The following LSM14B variants were observed in gnomAD, a reference collection of about 807,000 sequenced individuals.
LSM14B encodes protein LSM14 homolog B.
In LSM14B, 8 loss-of-function variants were observed where a neutral mutation model predicts 42.1. That is an observed-to-expected ratio of 0.19 (90% confidence interval 0.11 to 0.34). The LOEUF is 0.34. Among genes scored for constraint, LSM14B ranks in the 10% least tolerant of loss-of-function variants. The pLI, the probability that LSM14B is intolerant of heterozygous loss-of-function variation, is 1.00. For synonymous variants in LSM14B, 219 were observed against 209.7 expected, an observed-to-expected ratio of 1.04 and a Z score of -0.38; for missense variants, 396 against 513.1, an observed-to-expected ratio of 0.77 and a Z score of 2.21.
chr20:62,124,583 A>G, intron 1 of LSM14B, 34 bp from the exon 2 acceptor site: 1 of 1,603,052 alleles, frequency 6.2e-7, no homozygotes, highest in Non-Finnish European at 8.5e-7. Context: ...CTGGCTGAGG[A>G]CAACAATAAC....
At position 62,133,312 on chromosome 20, in the gene LSM14B, G is replaced by A. The variant is rs1314159584; in HGVS notation, c.1009G>A (p.Glu337Lys). Residue 337 changes from glutamate to lysine, a missense_variant, in exon 8 of 9, where the codon GAA (glutamate) becomes AAA (lysine). Glu to Lys is a moderately conservative substitution (Grantham distance 56, BLOSUM62 1). Around this residue, in one of 3 missense-constraint regions of LSM14B, gnomAD observed 118 missense variants for 156.4 expected, o/e 0.75. Coordinates refer to ENST00000279068, the MANE Select transcript of LSM14B (RefSeq NM_144703.3). ...TAGCTCCAGGCGGACGACGTGGGCC[G>A]AAGAGAGGAAGCTCAACACAGAGAC... ...KTSSRRTTWA[E>K]ERKLNTETFG... The A allele has an allele frequency of 6.8e-6, 11 of 1,613,368 alleles. No homozygotes were observed. The highest frequency in any genetic ancestry group is 1.1e-5 in the South Asian group (1 of 91,070).
intron 3 of LSM14B, chr20:62,129,035 G>C (rs2056687775): frequency 1.5e-6 from 2 of 1,295,496 alleles, no homozygotes; most frequent in South Asian, 2.5e-5. Context: ...GGAGAGAGGT[G>C]GGTGGTGCTT....
intron 1 of LSM14B, chr20:62,123,054 T>C (rs2056453899): frequency 5.3e-6 from 1 of 188,210 alleles, no homozygotes; most frequent in African/African-American, 2.4e-5. Flanking sequence ...GGCGGGATTG[T>C]GCGCGGGCGC....
At position 62,122,801 on chromosome 20, in the gene LSM14B, C is replaced by G; in HGVS notation, c.127+8C>G. 1 of 1,491,298 alleles carries G rather than the reference C, an allele frequency of 6.7e-7. No individual in the cohort carries two copies. The highest frequency in any genetic ancestry group is 9.0e-7 in the Non-Finnish European group (1 of 1,112,350). 92.4% of individuals were successfully genotyped at this position (1,491,298 alleles called of 1,614,324 possible). ...CCGTGGCGCTCGCCAAAGGTAGCGGCCGCCGCCCGCCCGAGCCCGCTGACC... is the reference window on the plus strand; with the variant it reads ...CCGTGGCGCTCGCCAAAGGTAGCGGGCGCCGCCCGCCCGAGCCCGCTGACC... On this transcript the variant is annotated splice_region_variant and intron_variant, in intron 1 of 8. Transcript: ENST00000279068. This position sits in a 1 kb window ranked among gnomAD's most constrained non-coding sequence, Gnocchi z 4.6.
intron 7 of LSM14B, among the ~76,000 whole-genome samples, chr20:62,132,978 G>C (rs984551566): frequency 6.6e-6 from 1 of 152,120 alleles, no homozygotes; most frequent in African/African-American, 2.4e-5. Flanking sequence ...GCCTCCCCAG[G>C]GCTCCTCTCT....
chr20:62,134,014 T>G (rs370533941), intron 8 of LSM14B, 149 bp from the exon 9 acceptor site: 56 of 349,392 alleles, frequency 1.6e-4, no homozygotes, highest in African/African-American at 1.2e-3. Flanking sequence ...ATTGTACAAG[T>G]AGGATTCTCA....
At position 62,130,284 on chromosome 20, in the gene LSM14B, A is replaced by AG. The variant is rs2056729808; in HGVS notation, c.663dup (p.Arg222GlufsTer20). 1 of 1,597,538 alleles carries AG rather than the reference A, an allele frequency of 6.3e-7. No individual in the cohort carries two copies. ...GAATGACGAGAACAGAAGACCTCAGAGGAGGCGATCAGGTAACACCTGTTG... is the reference window on the plus strand; with the variant it reads ...GAATGACGAGAACAGAAGACCTCAGAGGGAGGCGATCAGGTAACACCTGTTG... On this transcript the variant is annotated frameshift_variant, in exon 5 of 9. Coordinates refer to ENST00000279068, the MANE Select transcript of LSM14B (RefSeq NM_144703.3). LOFTEE classifies it high-confidence loss of function. This position sits in a 1 kb window ranked among gnomAD's most constrained non-coding sequence, Gnocchi z 4.1.
In LSM14B at chr20:62,130,133, A is replaced by G. The variant is rs181790714; in HGVS notation, c.596-86A>G. ...CGGTGCCGCCCTGGCCGCGTGCCCCATGGTGGTGGGGCCTGCTTCCACAGC... is the reference window on the plus strand; with the variant it reads ...CGGTGCCGCCCTGGCCGCGTGCCCCGTGGTGGTGGGGCCTGCTTCCACAGC... On this transcript the variant is annotated intron_variant, in intron 4 of 8. Transcript: ENST00000279068. This position sits in a 1 kb window ranked among gnomAD's most constrained non-coding sequence, Gnocchi z 4.1. The G allele has an allele frequency of 5.9e-6, 9 of 1,522,816 alleles. No individual in the cohort carries two copies. The South Asian group carries it at 9.7e-5, about 16-fold the overall frequency. The allele number at this position is 1,522,816 out of a possible 1,614,324, so 94.3% of individuals were successfully genotyped here.
chr20:62,127,473 G>C, intron 3 of LSM14B: 2 of 737,712 alleles, frequency 2.7e-6, no homozygotes, highest in Non-Finnish European at 4.6e-6. Context: ...TTGTATGACA[G>C]AATCCTACAA....
At chr20:62,123,057 G>C (rs1158926935) in intron 1 of LSM14B, 1 of 187,344 alleles carries the variant, frequency 5.3e-6, no homozygotes, top group Non-Finnish European at 1.1e-5. Flanking sequence ...GGGATTGTGC[G>C]CGGGCGCCCG....
At position 62,122,726 on chromosome 20, in the gene LSM14B, G is replaced by A. The variant is rs757908261; in HGVS notation, c.60G>A (p.Ala20=). ...GCAAGATCAGCCTCATCTCCAAGGC[G>A]CAGATCCGCTACGAGGGCATTCTCT... ...LGSKISLISK[A]QIRYEGILYT... Residue 20 remains alanine (A), a synonymous_variant, in exon 1 of 9, where the codon GCG becomes GCA. Transcript: ENST00000279068. This position sits in a 1 kb window ranked among gnomAD's most constrained non-coding sequence, Gnocchi z 4.6. 6.6e-7 allele frequency: 1 copy of A among 1,524,232 alleles called. No individual in the cohort carries two copies. The highest frequency in any genetic ancestry group is 8.8e-7 in the Non-Finnish European group (1 of 1,131,524). 94.4% of individuals were successfully genotyped at this position (1,524,232 alleles called of 1,614,324 possible). A position where few individuals can be genotyped will look rare whatever the true frequency, so the allele number is the denominator to read the frequency against.
intron 2 of LSM14B, 46 bp downstream of exon 2, chr20:62,124,826 T>TTTCAG: frequency 6.4e-7 from 1 of 1,561,272 alleles, no homozygotes; most frequent in Non-Finnish European, 8.7e-7. Context: ...GAGATGCTGG[T>TTTCAG]TTCCATTTGG....
intron 3 of LSM14B, chr20:62,128,040 C>G: frequency 1.7e-6 from 1 of 576,000 alleles, no homozygotes; most frequent in Non-Finnish European, 3.1e-6. Flanking sequence ...CAGAGTGCTG[C>G]AGGGGGGACT....
Position 62,124,703 on chromosome 20 carries a change from A to C in LSM14B, c.214A>C (p.Ser72Arg), listed in dbSNP as rs1454066861. 1 of 1,613,874 alleles carries C rather than the reference A, an allele frequency of 6.2e-7. No homozygotes were observed. The highest frequency in any genetic ancestry group is 1.7e-5 in the Admixed American group (1 of 60,014). The change falls in exon 2 of 9, where the codon AGT (serine) becomes CGT (arginine). Residue 72 changes from serine to arginine, a missense_variant. By Grantham distance (110) the Ser-to-Arg change is moderately radical (BLOSUM62 -1). Transcript: ENST00000279068. Reference protein sequence around the residue: ...EIYEYIIFRGSDIKDITVCEP... With the variant: ...EIYEYIIFRGRDIKDITVCEP... ...TTATGAGTACATCATTTTCCGAGGA[A>C]GTGACATCAAGGATATCACTGTGTG... is the stretch of plus-strand genomic sequence containing the variant.
In LSM14B at chr20:62,130,533, A is replaced by G. The variant is rs1318294288; in HGVS notation, c.677A>G (p.Asn226Ser). 1 of 1,613,718 alleles carries G rather than the reference A, an allele frequency of 6.2e-7. No homozygotes were observed. Among genetic ancestry groups the G allele is most frequent in the Admixed American group, 1.7e-5 (1 of 59,988 alleles). ...GGGCTGTCCTTTGTCCTCACAGGAA[A>G]CAGGCGAACAAGGAATCGCTCCAGA... Reference protein sequence around the residue: ...NRRPQRRRSGNRRTRNRSRGQ... With the variant: ...NRRPQRRRSGSRRTRNRSRGQ... Residue 226 changes from asparagine to serine, a missense_variant, in exon 6 of 9, where the codon AAC becomes AGC. This residue lies in a region of LSM14B where 274 missense variants were observed against 335.8 expected (regional missense o/e 0.82). Transcript: ENST00000279068. The surrounding 1 kb of genome is among the most constrained non-coding windows in gnomAD (Gnocchi z 4.1).
Position 62,131,444 on chromosome 20 carries a change from C to T in LSM14B, c.924C>T (p.Pro308=). Residue 308 remains proline (P), a synonymous_variant, in exon 7 of 9, where the codon CCC becomes CCT. Transcript: ENST00000279068. ...EAPAEEDLLG[P]NCYYDKSKSF... is the part of the protein sequence containing the mutation. ...CCGCTGAGGAAGACCTTCTGGGGCC[C>T]AACTGCTACTATGACAAATCCAAGT... 1.2e-6 allele frequency: 2 copies of T among 1,613,926 alleles called. No homozygotes were observed. Among genetic ancestry groups the T allele is most frequent in the Non-Finnish European group, 1.7e-6 (2 of 1,179,874 alleles).
rs766300437 is a variant in LSM14B at position 62,126,374 on chromosome 20, C to T, written c.362C>T (p.Ala121Val). The change falls in exon 3 of 9, where the codon GCG (alanine) becomes GTG (valine). Residue 121 changes from alanine (A) to valine (V), a missense_variant. Ala to Val is a moderately conservative substitution (Grantham distance 64). This residue lies in a region of LSM14B where 274 missense variants were observed against 335.8 expected (regional missense o/e 0.82). Coordinates refer to ENST00000279068, the MANE Select transcript of LSM14B (RefSeq NM_144703.3). ...HVPYSPFRGMAPYGPLAASSL... is the reference protein window; with the variant it reads ...HVPYSPFRGMVPYGPLAASSL... ...CCTTACAGCCCTTTCCGAGGGATGG[C>T]GCCCTACGGCCCGCTGGCGGCCAGC... is the stretch of plus-strand genomic sequence containing the variant. 34 of 1,612,718 alleles carry T rather than the reference C, an allele frequency of 2.1e-5. No homozygotes were observed. Among genetic ancestry groups the T allele is most frequent in the African/African-American group, 4.0e-5 (3 of 74,942 alleles).
chr20:62,124,534 T>TG, intron 1 of LSM14B, 83 bp from the exon 2 acceptor site: 1 of 1,479,912 alleles, frequency 6.8e-7, no homozygotes, highest in Non-Finnish European at 9.1e-7. Flanking sequence ...TCGCCGTCTT[T>TG]TGGAAGGCTT....
In LSM14B at chr20:62,134,524, A is replaced by C. The variant is rs2056854434; in HGVS notation, c.*376A>C. 3.1e-6 allele frequency: 1 copy of C among 322,238 alleles called. No homozygotes were observed. Among genetic ancestry groups the C allele is most frequent in the Admixed American group, 4.8e-5 (1 of 20,790 alleles). 20.0% of individuals were successfully genotyped at this position (322,238 alleles called of 1,614,324 possible). On this transcript the variant is annotated 3_prime_UTR_variant, in exon 9 of 9. Transcript: ENST00000279068. ...GCTTTGACTTTTAAAAGTGGAACCA[A>C]ATCTGTTGGCAGAGGTGGCAGCCAA...
Sources: gnomAD v4.1 joint callset for allele counts (sites outside exome capture counted in the v4.1 genomes callset) on GRCh38, gnomAD v4.1.1 for gene constraint, gnomAD v4.1.1 regional missense constraint, Gnocchi (gnomAD v3.1) non-coding constraint, MANE v1.5 for transcripts, NCBI Gene and HGNC (gene_info 2026-07-23, HGNC 2026-07-21) for gene names.